Variants in IL15 observed in about 807,000 individuals in gnomAD.
The protein encoded by IL15 is interleukin 15.
IL15 carries 11 observed loss-of-function variants against 19.6 expected under a neutral mutation model. The ratio of observed to expected loss-of-function variants is 0.56; its 90% CI spans 0.35 to 0.93. IL15 has a LOEUF of 0.93. Ranked by LOEUF, IL15 falls within the 40% of genes least tolerant of loss-of-function variation. The pLI, the probability that IL15 is intolerant of heterozygous loss-of-function variation, is 0.01. For missense variants in IL15, 197 were observed against 186.5 expected (o/e 1.06, Z -0.33); for synonymous variants, 58 against 59.6 (o/e 0.97, Z 0.12).
intron 2 of IL15, among the ~76,000 whole-genome samples, chr4:141,706,248 G>A (rs1428475676): frequency 2.0e-5 from 3 of 151,502 alleles, no homozygotes; most frequent in African/African-American, 7.3e-5. Context: ...TTTCTTTGTG[G>A]TTATTATAAG....
intron 2 of IL15, among the ~76,000 whole-genome samples, chr4:141,696,746 A>G (rs1388530806): frequency 1.3e-5 from 2 of 151,906 alleles, no homozygotes; most frequent in African/African-American, 2.4e-5. Context: ...TTTAATTTGC[A>G]TTTCCCTGAT....
At chr4:141,721,356 G>A (rs745463664) in intron 4 of IL15, among the ~76,000 whole-genome samples, 10 of 152,122 alleles carry the variant, frequency 6.6e-5, no homozygotes, top group Non-Finnish European at 8.8e-5. Flanking sequence ...GTGAAAGTGA[G>A]TAAGTATATG....
intron 1 of IL15, among the ~76,000 whole-genome samples, chr4:141,640,581 C>CA (rs111358159): frequency 1.5e-3 from 222 of 145,924 alleles, no homozygotes; most frequent in African/African-American, 4.6e-3. Context: ...TTTAAACAAA[C>CA]AAAAAAAAAA....
intron 2 of IL15, among the ~76,000 whole-genome samples, chr4:141,686,067 C>T (rs958932178): frequency 3.9e-5 from 6 of 151,974 alleles, no homozygotes; most frequent in South Asian, 2.1e-4. Context: ...GAGGTCGAGA[C>T]GGGCAGATTA....
rs372045022 is a variant in IL15, at chr4:141,651,677, A to G, written c.-221-4509A>G. The stretch of plus-strand genomic sequence containing the variant: ...TAACTGAATAGAGATAATTTTCTAT[A>G]TTGTATTCCAACCCGGATGATATAC... On this transcript the variant is annotated intron_variant, in intron 1 of 7. Coordinates refer to ENST00000320650, the MANE Select transcript of IL15 (RefSeq NM_000585.5). 2.0e-5 allele frequency among the ~76,000 whole-genome samples: 3 copies of G among 152,110 alleles called. No homozygotes were observed. The South Asian group carries it at 6.2e-4, about 32-fold the overall frequency.
chr4:141,638,668 A>T (rs1330030016), intron 1 of IL15, among the ~76,000 whole-genome samples: 3 of 152,214 alleles, frequency 2.0e-5, no homozygotes, highest in Non-Finnish European at 4.4e-5. Context: ...TGGAGAAAAC[A>T]GTGGTTTAAG....
chr4:141,668,369 C>T (rs1470746441), intron 2 of IL15, among the ~76,000 whole-genome samples: 3 of 152,226 alleles, frequency 2.0e-5, no homozygotes, highest in Non-Finnish European at 4.4e-5. Context: ...CTCTGACTCT[C>T]TCCTCAGCTA....
rs185939625 is a variant in IL15 at position 141,699,171 on chromosome 4, T to G, written c.-99-20195T>G. The stretch of plus-strand genomic sequence containing the variant: ...CTTTTGGAATTGATTTCCAGTTTTA[T>G]TCTACTGTGGTCTGAGAAGATACTT... On this transcript the variant is annotated intron_variant, in intron 2 of 7. Coordinates refer to ENST00000320650, the MANE Select transcript of IL15 (RefSeq NM_000585.5). Among the ~76,000 whole-genome samples the G allele has an allele frequency of 1.4e-4, 22 of 152,352 alleles. 1 individual carries two copies. In the East Asian group the frequency reaches 1.7e-3, roughly 12 times the overall value.
At chr4:141,731,442 G>T (rs919932648) in intron 7 of IL15, among the ~76,000 whole-genome samples, 1 of 152,106 alleles carries the variant, frequency 6.6e-6, no homozygotes, top group Non-Finnish European at 1.5e-5. Flanking sequence ...ATTTATTAAG[G>T]TTTATAATAC....
chr4:141,670,094 A>C lies in IL15; in HGVS notation c.-100+13787A>C, dbSNP rs1390903332. On this transcript the variant is annotated intron_variant, in intron 2 of 7. Transcript: ENST00000320650. ...TAAGGACTTCCGTCAACTAGATATA[A>C]AAATAGATTCAATAAAATTAATAAA... Among the ~76,000 whole-genome samples, 3 of 151,458 alleles carry C rather than the reference A, an allele frequency of 2.0e-5. No individual in the cohort carries two copies. The East Asian group carries it at 5.8e-4, about 29-fold the overall frequency.
chr4:141,690,584 A>G (rs1049829098), intron 2 of IL15, among the ~76,000 whole-genome samples: 4 of 152,146 alleles, frequency 2.6e-5, no homozygotes, highest in African/African-American at 9.7e-5. Flanking sequence ...TACTTTCTCG[A>G]TTTAGGTTCT....
Position 141,728,914 on chromosome 4 carries a change from C to T in IL15, c.240+930C>T, listed in dbSNP as rs529429741. ...TTTGCAAGAAGATAACTTTGCAACC[C>T]ATGGGTTAGAGAAACAACCTTAGAT... is the stretch of plus-strand genomic sequence containing the variant. On this transcript the variant is annotated intron_variant, in intron 6 of 7. Transcript: ENST00000320650. 2.0e-5 allele frequency among the ~76,000 whole-genome samples: 3 copies of T among 152,198 alleles called. No individual in the cohort carries two copies. In the East Asian group the frequency reaches 5.8e-4, roughly 29 times the overall value.
At chr4:141,698,466 AC>A (rs573416792) in intron 2 of IL15, among the ~76,000 whole-genome samples, 11 of 150,030 alleles carry the variant, frequency 7.3e-5, no homozygotes, top group Non-Finnish European at 1.6e-4. Context: ...CTGGTCCTGG[AC>A]TTTTTTTTTT....
intron 1 of IL15, among the ~76,000 whole-genome samples, chr4:141,648,649 T>A (rs960058854): frequency 6.6e-6 from 1 of 152,070 alleles, no homozygotes; most frequent in African/African-American, 2.4e-5. Flanking sequence ...CAGATTAAAA[T>A]CTGTATTTGG....
intron 2 of IL15, among the ~76,000 whole-genome samples, chr4:141,710,154 T>G (rs2152185701): frequency 6.6e-6 from 1 of 152,312 alleles, no homozygotes; most frequent in Middle Eastern, 3.4e-3. Flanking sequence ...CAGTCTACTG[T>G]TAATGTGGAA....
intron 2 of IL15, among the ~76,000 whole-genome samples, chr4:141,707,898 T>A (rs1261756802): frequency 6.6e-6 from 1 of 152,216 alleles, no homozygotes; most frequent in African/African-American, 2.4e-5. Flanking sequence ...CTGTGTGGCT[T>A]TCTTTTCAGT....
At chr4:141,666,140 G>A (rs1333351028) in intron 2 of IL15, among the ~76,000 whole-genome samples, 1 of 146,646 alleles carries the variant, frequency 6.8e-6, no homozygotes, top group Non-Finnish European at 1.5e-5. Flanking sequence ...TCGCTCTGTC[G>A]CCCAGGCTGG....
chr4:141,691,165 T>A (rs1423613397), intron 2 of IL15, among the ~76,000 whole-genome samples: 1 of 16,094 alleles, frequency 6.2e-5, no homozygotes, highest in African/African-American at 4.4e-4. Flanking sequence ...CAGGAGAAAC[T>A]GCCAATTTTA....
intron 2 of IL15, among the ~76,000 whole-genome samples, chr4:141,688,570 G>A (rs906121203): frequency 2.0e-5 from 3 of 152,168 alleles, no homozygotes; most frequent in Non-Finnish European, 4.4e-5. Flanking sequence ...CTATAGAAAG[G>A]TTAAAGATTG....
Sources: gnomAD v4.1 joint callset for allele counts (sites outside exome capture counted in the v4.1 genomes callset) on GRCh38, gnomAD v4.1.1 for gene constraint, MANE v1.5 for transcripts, NCBI Gene and HGNC (gene_info 2026-07-23, HGNC 2026-07-21) for gene names.